The following ZNF100 variants were observed in gnomAD, a reference collection of about 807,000 sequenced individuals.
ZNF100 encodes zinc finger protein 100.
Under a neutral mutation model 15.8 loss-of-function variants are expected in ZNF100, and 12 were observed. The observed-to-expected ratio is 0.76, with a 90% CI of 0.49 to 1.23. The LOEUF is 1.23. Ranked by LOEUF, ZNF100 falls within the 50% of genes most tolerant of loss-of-function variation. ZNF100 has a pLI of 0.00. For synonymous variants in ZNF100, 226 were observed against 214.8 expected, an observed-to-expected ratio of 1.05 and a Z score of -0.45; for missense variants, 670 against 635.6, an observed-to-expected ratio of 1.05 and a Z score of -0.58.
At chr19:21,730,744 T>C (rs745598141) in intron 4 of ZNF100, among the ~76,000 whole-genome samples, 1 of 152,030 alleles carries the variant, frequency 6.6e-6, no homozygotes, top group African/African-American at 2.4e-5. Context: ...ATAGACCACA[T>C]GTTAGGCCAA....
chr19:21,729,862 G>A (rs1209730353), intron 4 of ZNF100, among the ~76,000 whole-genome samples: 2 of 151,490 alleles, frequency 1.3e-5, no homozygotes, highest in African/African-American at 4.8e-5. Flanking sequence ...GAAGTAATGA[G>A]AAAAAAAATG....
In ZNF100 at chr19:21,727,028, G is replaced by C. The variant is rs775186467; in HGVS notation, c.1284C>G (p.Pro428=). The C allele has an allele frequency of 1.2e-6, 2 of 1,613,474 alleles. No individual in the cohort carries two copies. The highest frequency in any genetic ancestry group is 1.7e-6 in the Non-Finnish European group (2 of 1,179,806). ...CTTTGCCACATTCTTCACATTTGTAGGGTTTCTCTCCAGTATGAATTCTCT... is the reference window on the plus strand; with the variant it reads ...CTTTGCCACATTCTTCACATTTGTACGGTTTCTCTCCAGTATGAATTCTCT... ...KHKRIHTGEK[P]YKCEECGKAF... Residue 428 remains proline, a synonymous_variant, in exon 5 of 5, where the codon CCC becomes CCG. Transcript: ENST00000358296.
At chr19:21,736,813 T>C (rs2036015423) in intron 4 of ZNF100, among the ~76,000 whole-genome samples, 1 of 152,014 alleles carries the variant, frequency 6.6e-6, no homozygotes, top group Non-Finnish European at 1.5e-5. Flanking sequence ...ATAATAAAAT[T>C]AAGTCAGAAA....
At chr19:21,732,749 AAAGT>A (rs2035942037) in intron 4 of ZNF100, among the ~76,000 whole-genome samples, 1 of 151,958 alleles carries the variant, frequency 6.6e-6, no homozygotes. Flanking sequence ...ATATAGGGAA[AAAGT>A]AATACAGAGG....
At chr19:21,734,229 GA>G (rs2035970995) in intron 4 of ZNF100, among the ~76,000 whole-genome samples, 1 of 152,188 alleles carries the variant, frequency 6.6e-6, no homozygotes, top group Non-Finnish European at 1.5e-5. Context: ...TAAACTGACA[GA>G]AGTAGGCTTC....
rs2036585639 is a variant in ZNF100, at chr19:21,767,519, C to A, written c.-90G>T. The A allele has an allele frequency of 3.8e-6, 6 of 1,573,834 alleles. No individual in the cohort carries two copies. Among genetic ancestry groups the A allele is most frequent in the Non-Finnish European group, 5.2e-6 (6 of 1,154,578 alleles). On this transcript the variant is annotated 5_prime_UTR_variant, in exon 1 of 5. Coordinates refer to ENST00000358296, the MANE Select transcript of ZNF100 (RefSeq NM_173531.4). The stretch of plus-strand genomic sequence containing the variant: ...GCCACACAGGCTAGGCCCCTAGGAG[C>A]AGAAGACACAGAGAAGTGAGAGCAA...
At chr19:21,743,980 C>T (rs767527497) in intron 4 of ZNF100, 37 bp downstream of exon 4, 4 of 1,564,850 alleles carry the variant, frequency 2.6e-6, no homozygotes, top group Admixed American at 1.9e-5. Flanking sequence ...CTTTGGACCT[C>T]ACATCTGTGT....
At chr19:21,760,887 G>A (rs1279551829) in intron 2 of ZNF100, among the ~76,000 whole-genome samples, 1 of 150,948 alleles carries the variant, frequency 6.6e-6, no homozygotes, top group African/African-American at 2.4e-5. Context: ...CTCCCGAGTA[G>A]CTGGGACTAC....
chr19:21,745,811 C>T (rs1037753847), intron 2 of ZNF100, among the ~76,000 whole-genome samples: 3 of 152,174 alleles, frequency 2.0e-5, no homozygotes, highest in African/African-American at 7.2e-5. Context: ...CGTGAGCCAC[C>T]ACGCCCGGCC....
intron 4 of ZNF100, among the ~76,000 whole-genome samples, chr19:21,728,910 C>T (rs1195778043): frequency 1.3e-5 from 2 of 151,284 alleles, no homozygotes; most frequent in East Asian, 3.9e-4. Flanking sequence ...AAGATAAGAA[C>T]ATAAATATTT....
At chr19:21,765,658 T>C (rs747197983) in intron 2 of ZNF100, 36 bp downstream of exon 2, 5 of 1,586,718 alleles carry the variant, frequency 3.2e-6, no homozygotes, top group Non-Finnish European at 3.5e-6. Flanking sequence ...GAAAGCTGGG[T>C]TGGGTGAAGA....
At chr19:21,764,152 C>T (rs530919588) in intron 2 of ZNF100, among the ~76,000 whole-genome samples, 1 of 152,264 alleles carries the variant, frequency 6.6e-6, no homozygotes, top group South Asian at 2.1e-4. Flanking sequence ...AAAAAACTAA[C>T]AAGGCCGTTA....
At chr19:21,728,967 A>G (rs2035865290) in intron 4 of ZNF100, among the ~76,000 whole-genome samples, 1 of 151,716 alleles carries the variant, frequency 6.6e-6, no homozygotes, top group Non-Finnish European at 1.5e-5. Context: ...ATAAAAAAGA[A>G]TAGCTGAAAA....
At chr19:21,733,151 C>CTATTA (rs2035947318) in intron 4 of ZNF100, among the ~76,000 whole-genome samples, 1 of 152,158 alleles carries the variant, frequency 6.6e-6, no homozygotes, top group Non-Finnish European at 1.5e-5. Flanking sequence ...ATAAAACTCT[C>CTATTA]TATTAAATGT....
chr19:21,727,287 T>G lies in ZNF100; in HGVS notation c.1025A>C (p.Glu342Ala). The G allele has an allele frequency of 6.2e-7, 1 of 1,613,406 alleles. No homozygotes were observed. The highest frequency in any genetic ancestry group is 8.5e-7 in the Non-Finnish European group (1 of 1,179,794). ...ACATTCTTCACATTTGTAGGGTTTC[T>G]CTCCAGTATGAATTATCCTGTGTGT... is the stretch of plus-strand genomic sequence containing the variant. The part of the protein sequence containing the change: ...LTTHRIIHTG[E>A]KPYKCEECGK... Residue 342 changes from glutamate (E) to alanine (A), a missense_variant, in exon 5 of 5, where the codon GAG becomes GCG. Glu to Ala is a moderately radical substitution (Grantham distance 107, BLOSUM62 -1). Transcript: ENST00000358296.
chr19:21,751,139 TGC>T, intron 2 of ZNF100: 1 of 1,393,202 alleles, frequency 7.2e-7, no homozygotes, highest in Non-Finnish European at 1.0e-6. Context: ...CAAACCGATG[TGC>T]GAGACAAGAG....
intron 4 of ZNF100, among the ~76,000 whole-genome samples, chr19:21,741,614 G>GCA (rs2036110112): frequency 6.6e-6 from 1 of 151,706 alleles, no homozygotes; most frequent in African/African-American, 2.4e-5. Flanking sequence ...ACCTCAGGTG[G>GCA]TCTGCCCACC....
At position 21,724,027 on chromosome 19, in the gene ZNF100, G is replaced by A. The variant is rs975164208; in HGVS notation, c.*2656C>T. 6.6e-6 allele frequency: 1 copy of A among 152,056 alleles called. No individual in the cohort carries two copies. 9.4% of individuals were successfully genotyped at this position (152,056 alleles called of 1,614,324 possible). On this transcript the variant is annotated 3_prime_UTR_variant, in exon 5 of 5. Transcript: ENST00000358296. ...AAATTATTCTTATAATCACAGACCA[G>A]CTCACATAATGAATACTTCATAATC...
At chr19:21,731,992 T>C (rs2035927843) in intron 4 of ZNF100, among the ~76,000 whole-genome samples, 1 of 152,112 alleles carries the variant, frequency 6.6e-6, no homozygotes, top group South Asian at 2.1e-4. Context: ...GGGACTCACA[T>C]CTGTAATCCC....
Sources: allele counts gnomAD v4.1 joint callset (sites outside exome capture counted in the v4.1 genomes callset), GRCh38; gene constraint gnomAD v4.1.1; transcripts MANE v1.5; gene names NCBI Gene and HGNC (gene_info 2026-07-23, HGNC 2026-07-21).